The following SDK1 variants were observed in gnomAD, a reference collection of about 807,000 sequenced individuals.
SDK1 encodes the protein sidekick cell adhesion molecule 1.
Under a neutral mutation model 245.5 loss-of-function variants are expected in SDK1, and 157 were observed. That is an observed-to-expected ratio of 0.64 (90% confidence interval 0.56 to 0.73). The LOEUF (loss-of-function observed/expected upper bound fraction) is 0.73, where lower values mean the gene tolerates loss of function less well. Among genes scored for constraint, SDK1 ranks in the 30% least tolerant of loss-of-function variants. The pLI, the probability that SDK1 is intolerant of heterozygous loss-of-function variation, is 0.00. For missense variants in SDK1, 3,583 were observed against 3,002.3 expected, an observed-to-expected ratio of 1.19 and a Z score of -4.52; for synonymous variants, 1,647 against 1,278.5, an observed-to-expected ratio of 1.29 and a Z score of -6.15.
At chr7:3,827,802 T>C (rs1017125018) in intron 5 of SDK1, among the ~76,000 whole-genome samples, 1 of 152,074 alleles carries the variant, frequency 6.6e-6, no homozygotes, top group African/African-American at 2.4e-5. Flanking sequence ...AGGCCACATA[T>C]TGAGCCACAA....
chr7:3,599,836 A>T (rs1781197978), intron 1 of SDK1, among the ~76,000 whole-genome samples: 1 of 152,298 alleles, frequency 6.6e-6, no homozygotes, highest in Admixed American at 6.5e-5. Context: ...TGTCCTTATT[A>T]CTGTAGCTAG....
intron 1 of SDK1, among the ~76,000 whole-genome samples, chr7:3,367,202 A>G (rs1039720207): frequency 6.6e-6 from 1 of 151,820 alleles, no homozygotes; most frequent in African/African-American, 2.4e-5. Context: ...AATGAGTTTT[A>G]AAGAATGTAT....
At chr7:3,497,449 T>C (rs1381591717) in intron 1 of SDK1, among the ~76,000 whole-genome samples, 4 of 152,222 alleles carry the variant, frequency 2.6e-5, no homozygotes, top group Admixed American at 2.6e-4. Flanking sequence ...GTCTTTATTA[T>C]GAAAGTGCTA....
At chr7:3,924,371 A>G (rs1779697294) in intron 5 of SDK1, among the ~76,000 whole-genome samples, 1 of 152,046 alleles carries the variant, frequency 6.6e-6, no homozygotes, top group Non-Finnish European at 1.5e-5. Context: ...ATTGTGTTTG[A>G]CTTGGGCAGA....
intron 4 of SDK1, among the ~76,000 whole-genome samples, chr7:3,779,554 G>T (rs1053476205): frequency 6.6e-6 from 1 of 151,666 alleles, no homozygotes; most frequent in Non-Finnish European, 1.5e-5. Context: ...GGATATTGAC[G>T]ATCTTTATAT....
At chr7:3,921,267 A>G (rs1779574277) in intron 5 of SDK1, among the ~76,000 whole-genome samples, 1 of 152,196 alleles carries the variant, frequency 6.6e-6, no homozygotes, top group Non-Finnish European at 1.5e-5. Context: ...TTTTTACTTC[A>G]TATTTTATTA....
chr7:4,084,353 A>G (rs1240369322), intron 22 of SDK1, among the ~76,000 whole-genome samples: 1 of 152,110 alleles, frequency 6.6e-6, no homozygotes, highest in Non-Finnish European at 1.5e-5. Context: ...TGCAGTCATT[A>G]TTCTTTTTGA....
chr7:4,117,188 G>A (rs534694290), intron 25 of SDK1, among the ~76,000 whole-genome samples: 34 of 152,258 alleles, frequency 2.2e-4, no homozygotes, highest in Non-Finnish European at 3.7e-4. Flanking sequence ...AAATGTATTG[G>A]CCAGGCAGGG....
At chr7:3,514,990 T>C (rs929262668) in intron 1 of SDK1, among the ~76,000 whole-genome samples, 4 of 152,164 alleles carry the variant, frequency 2.6e-5, no homozygotes, top group African/African-American at 7.2e-5. Flanking sequence ...CTCTGCTGAA[T>C]GTAAAGTTTT....
At chr7:4,206,215 G>A (rs1784215214) in intron 36 of SDK1, among the ~76,000 whole-genome samples, 2 of 152,236 alleles carry the variant, frequency 1.3e-5, no homozygotes, top group African/African-American at 4.8e-5. Context: ...ACACCTGGCT[G>A]TGCCCACCAC....
At chr7:4,241,325 C>A (rs1215257841) in intron 42 of SDK1, among the ~76,000 whole-genome samples, 1 of 151,898 alleles carries the variant, frequency 6.6e-6, no homozygotes, top group Non-Finnish European at 1.5e-5. Flanking sequence ...TTTAATTTCC[C>A]GGAATTTTTA....
chr7:3,324,796 C>T (rs1779900886), intron 1 of SDK1, among the ~76,000 whole-genome samples: 1 of 151,936 alleles, frequency 6.6e-6, no homozygotes, highest in East Asian at 1.9e-4. Context: ...AGTTTTTCTC[C>T]TGTAATTTTA....
chr7:3,670,260 T>G (rs1005335113), intron 4 of SDK1, among the ~76,000 whole-genome samples: 3 of 152,222 alleles, frequency 2.0e-5, no homozygotes, highest in African/African-American at 7.2e-5. Flanking sequence ...AAATCCTTAA[T>G]ATAAACAGCA....
intron 1 of SDK1, among the ~76,000 whole-genome samples, chr7:3,585,398 T>C (rs763304215): frequency 2.0e-5 from 3 of 152,078 alleles, no homozygotes; most frequent in Non-Finnish European, 2.9e-5. Context: ...ATAGAGATAA[T>C]TGATGAAAGA....
At chr7:3,931,567 C>G (rs10227007) in intron 5 of SDK1, among the ~76,000 whole-genome samples, 56,685 of 152,024 alleles carry the variant, frequency 0.37, 12,066 homozygotes, top group African/African-American at 0.59. Context: ...AATAATTTTG[C>G]GGGAAATCCT....
chr7:4,095,596 G>A (rs141122828), intron 22 of SDK1, among the ~76,000 whole-genome samples: 3,465 of 151,492 alleles, frequency 0.023, 120 homozygotes, highest in African/African-American at 0.077. Context: ...TTTCCGAGAC[G>A]GAGTCTCGCT....
chr7:4,005,584 CCT>C, intron 14 of SDK1, among the ~76,000 whole-genome samples: 1 of 152,016 alleles, frequency 6.6e-6, no homozygotes, highest in African/African-American at 2.4e-5. Context: ...TTTAAACTTC[CCT>C]GAGTCTTGGT....
intron 35 of SDK1, among the ~76,000 whole-genome samples, chr7:4,200,152 T>C (rs960866531): frequency 1.3e-5 from 2 of 152,134 alleles, no homozygotes; most frequent in Admixed American, 6.5e-5. Flanking sequence ...GTACCTGTAG[T>C]GCCCCACCCA....
chr7:3,614,236 T>A (rs1781695379), intron 1 of SDK1, among the ~76,000 whole-genome samples: 4 of 152,218 alleles, frequency 2.6e-5, no homozygotes, highest in Admixed American at 2.6e-4. Context: ...CTTTCATAAA[T>A]GATTTATGTT....
Sources: allele counts gnomAD v4.1 joint callset (sites outside exome capture counted in the v4.1 genomes callset), GRCh38; gene constraint gnomAD v4.1.1; transcripts MANE v1.5; gene names NCBI Gene and HGNC (gene_info 2026-07-23, HGNC 2026-07-21).